GRIN2A: variants seen among roughly 807,000 people sequenced by gnomAD.
GRIN2A encodes the protein glutamate receptor ionotropic, NMDA 2A.
A neutral mutation model predicts 113.4 loss-of-function variants in GRIN2A; 22 were observed. The observed-to-expected ratio is 0.19, with a 90% CI of 0.14 to 0.28. The LOEUF is 0.28. Ranked by LOEUF, GRIN2A falls within the 10% of genes least tolerant of loss-of-function variation. GRIN2A has a pLI of 1.00. For missense variants in GRIN2A, 1,502 were observed against 1,887.0 expected (o/e 0.80, Z 3.78); for synonymous variants, 827 against 738.4 (o/e 1.12, Z -1.94).
At chr16:9,927,137 C>T (rs144004808) in intron 3 of GRIN2A, among the ~76,000 whole-genome samples, 111 of 152,274 alleles carry the variant, frequency 7.3e-4, no homozygotes, top group African/African-American at 2.4e-3. Flanking sequence ...GGTACTCTAG[C>T]ATTCATTTAC....
intron 2 of GRIN2A, among the ~76,000 whole-genome samples, chr16:10,057,009 C>G (rs1193737291): frequency 6.6e-6 from 1 of 152,024 alleles, no homozygotes. Flanking sequence ...ACCCTCCACC[C>G]CTCCAGCCTT....
intron 2 of GRIN2A, among the ~76,000 whole-genome samples, chr16:10,049,961 TA>T (rs1255291446): frequency 1.3e-5 from 2 of 152,150 alleles, no homozygotes; most frequent in Non-Finnish European, 2.9e-5. Flanking sequence ...CTCCCATATT[TA>T]TACTCATACC....
intron 2 of GRIN2A, among the ~76,000 whole-genome samples, chr16:10,008,171 C>G (rs2046438496): frequency 6.6e-6 from 1 of 152,086 alleles, no homozygotes; most frequent in Non-Finnish European, 1.5e-5. Flanking sequence ...GCCTTGACGG[C>G]TCCTGCTTCT....
chr16:10,139,906 C>T (rs959457380), intron 2 of GRIN2A, among the ~76,000 whole-genome samples: 2 of 152,116 alleles, frequency 1.3e-5, no homozygotes, highest in Non-Finnish European at 2.9e-5. Flanking sequence ...TGGCTCCCTG[C>T]AACCTCCGCC....
intron 2 of GRIN2A, among the ~76,000 whole-genome samples, chr16:10,175,284 G>A (rs553645122): frequency 6.6e-6 from 1 of 152,316 alleles, no homozygotes; most frequent in African/African-American, 2.4e-5. Flanking sequence ...TATTCAGAAG[G>A]AGAGAATAGA....
At chr16:10,009,627 C>A (rs1433260282) in intron 2 of GRIN2A, among the ~76,000 whole-genome samples, 5 of 152,136 alleles carry the variant, frequency 3.3e-5, no homozygotes, top group Admixed American at 2.0e-4. Context: ...CCTGGGCACC[C>A]ACCCCACATG....
chr16:10,008,185 A>G (rs543008027), intron 2 of GRIN2A, among the ~76,000 whole-genome samples: 1 of 152,212 alleles, frequency 6.6e-6, no homozygotes, highest in Non-Finnish European at 1.5e-5. Flanking sequence ...TGCTTCTAAG[A>G]GAGGTCATGA....
chr16:9,966,753 G>A (rs1339736165), intron 2 of GRIN2A, among the ~76,000 whole-genome samples: 1 of 152,062 alleles, frequency 6.6e-6, no homozygotes, highest in Non-Finnish European at 1.5e-5. Flanking sequence ...TATAAGCCTC[G>A]ATCAGAATCA....
At chr16:9,961,496 G>A (rs60834670) in intron 2 of GRIN2A, among the ~76,000 whole-genome samples, 52,699 of 152,022 alleles carry the variant, frequency 0.35, 9,373 homozygotes, top group African/African-American at 0.41. Flanking sequence ...TTTTATAAAA[G>A]TTCAAGAACA....
At chr16:9,813,518 T>C (rs1226197426) in intron 10 of GRIN2A, among the ~76,000 whole-genome samples, 1 of 109,748 alleles carries the variant, frequency 9.1e-6, no homozygotes, top group Non-Finnish European at 1.9e-5. Context: ...CTGTTTTTTT[T>C]GCCTTTTTTT....
intron 10 of GRIN2A, among the ~76,000 whole-genome samples, chr16:9,821,005 T>A (rs1427944282): frequency 6.6e-6 from 1 of 152,116 alleles, no homozygotes; most frequent in Non-Finnish European, 1.5e-5. Flanking sequence ...GACAGAATGC[T>A]CACAGCCAAA....
At chr16:10,094,364 T>G (rs2048243606) in intron 2 of GRIN2A, among the ~76,000 whole-genome samples, 1 of 152,208 alleles carries the variant, frequency 6.6e-6, no homozygotes, top group African/African-American at 2.4e-5. Flanking sequence ...TAACAGCTTC[T>G]TCATCTATAG....
chr16:9,800,581 G>A (rs1903299417), intron 10 of GRIN2A, among the ~76,000 whole-genome samples: 1 of 151,704 alleles, frequency 6.6e-6, no homozygotes, highest in Non-Finnish European at 1.5e-5. Context: ...TTACAGCCGT[G>A]TTCTTCATTT....
At chr16:9,863,451 T>G (rs557977091) in intron 4 of GRIN2A, among the ~76,000 whole-genome samples, 1 of 152,316 alleles carries the variant, frequency 6.6e-6, no homozygotes, top group Admixed American at 6.5e-5. Context: ...GAATTGACTC[T>G]TCTGAGGACC....
At chr16:10,029,677 T>C (rs1029923714) in intron 2 of GRIN2A, among the ~76,000 whole-genome samples, 8 of 152,298 alleles carry the variant, frequency 5.3e-5, no homozygotes, top group Non-Finnish European at 1.0e-4. Flanking sequence ...GGCTTCTTCA[T>C]GGTTTGCGTA....
chr16:9,774,190 G>C (rs1260460777), intron 11 of GRIN2A, among the ~76,000 whole-genome samples: 2 of 152,120 alleles, frequency 1.3e-5, no homozygotes, highest in Non-Finnish European at 2.9e-5. Context: ...CCACTGACAA[G>C]GTGGAAGCCA....
chr16:10,068,472 G>A (rs556018930), intron 2 of GRIN2A, among the ~76,000 whole-genome samples: 4 of 152,174 alleles, frequency 2.6e-5, no homozygotes, highest in African/African-American at 4.8e-5. Flanking sequence ...GTAAGTCTTG[G>A]GGGGAAGTGC....
chr16:10,058,495 A>ATATC (rs1315594599), intron 2 of GRIN2A, among the ~76,000 whole-genome samples: 2 of 152,372 alleles, frequency 1.3e-5, no homozygotes, highest in African/African-American at 4.8e-5. Context: ...TAATTCTGAA[A>ATATC]TATCTACAAC....
intron 2 of GRIN2A, among the ~76,000 whole-genome samples, chr16:10,101,632 G>C (rs920895898): frequency 6.6e-6 from 1 of 152,100 alleles, no homozygotes; most frequent in African/African-American, 2.4e-5. Context: ...CCATTATTTG[G>C]GATACCAATT....
Sources: allele counts gnomAD v4.1 joint callset (sites outside exome capture counted in the v4.1 genomes callset), GRCh38; gene constraint gnomAD v4.1.1; transcripts MANE v1.5; gene names NCBI Gene and HGNC (gene_info 2026-07-23, HGNC 2026-07-21).